PXYLP1: variants seen among roughly 807,000 people sequenced by gnomAD.
PXYLP1 encodes the protein 2-phosphoxylose phosphatase 1, also known as acid phosphatase-like 2.
A neutral mutation model predicts 37.9 loss-of-function variants in PXYLP1; 17 were observed. The observed-to-expected ratio is 0.45, with a 90% CI of 0.31 to 0.67. The LOEUF is 0.67. PXYLP1 is among the 30% of genes least tolerant of loss of function. The probability of loss-of-function intolerance (pLI) is 0.07; values close to 1 mark genes in which losing one functional copy is unlikely to be tolerated. For synonymous variants in PXYLP1, 221 were observed against 232.2 expected (o/e 0.95, Z 0.44); for missense variants, 511 against 612.0 (o/e 0.84, Z 1.74).
At chr3:141,258,780 C>G (rs370909728) in intron 1 of PXYLP1, 5 of 153,694 alleles carry the variant, frequency 3.3e-5, no homozygotes, top group African/African-American at 1.2e-4. Context: ...TGAGAACTAA[C>G]TGCTGATTGT....
At chr3:141,238,532 G>A (rs1940713039) in intron 1 of PXYLP1, among the ~76,000 whole-genome samples, 1 of 152,190 alleles carries the variant, frequency 6.6e-6, no homozygotes, top group Admixed American at 6.5e-5. Context: ...AGTCAGACTG[G>A]AAAACCAGTC....
intron 2 of PXYLP1, 49 bp from the exon 3 acceptor site, chr3:141,278,293 C>T (rs779426901): frequency 1.2e-6 from 2 of 1,607,190 alleles, no homozygotes; most frequent in East Asian, 4.5e-5. Context: ...TTGCAGCTGG[C>T]CTGGCGCCCC....
intron 1 of PXYLP1, among the ~76,000 whole-genome samples, chr3:141,244,108 A>C (rs1161664102): frequency 1.3e-5 from 2 of 152,242 alleles, no homozygotes; most frequent in African/African-American, 4.8e-5. Context: ...TTGTCAGTAC[A>C]GCTATAACCA....
chr3:141,292,409 C>G lies in PXYLP1; in HGVS notation c.647C>G (p.Ala216Gly), dbSNP rs746803550. 7 of 1,614,176 alleles carry G rather than the reference C, an allele frequency of 4.3e-6. No homozygotes were observed. Among genetic ancestry groups the G allele is most frequent in the Admixed American group, 3.3e-5 (2 of 60,022 alleles). Reference sequence around the variant, plus strand: ...AGCCGGACCCTACAAAGTGGGCTGGCCTTGCTTTATGGCTTTCTCCCAGAT... The same window carrying G: ...AGCCGGACCCTACAAAGTGGGCTGGGCTTGCTTTATGGCTTTCTCCCAGAT... ...GKSRTLQSGL[A>G]LLYGFLPDFD... The change falls in exon 6 of 6, where the codon GCC becomes GGC. Residue 216 changes from alanine to glycine, a missense_variant. Physicochemically the swap from Ala to Gly is moderately conservative, Grantham distance 60. Coordinates refer to ENST00000286353, the MANE Select transcript of PXYLP1 (RefSeq NM_001037172.3). This position sits in a 1 kb window ranked among gnomAD's most constrained non-coding sequence, Gnocchi z 4.3.
In PXYLP1 at chr3:141,279,300, A is replaced by C. The variant is rs907521835; in HGVS notation, c.239-78A>C. The C allele has an allele frequency of 7.7e-6, 12 of 1,560,890 alleles. No individual in the cohort carries two copies. In the African/African-American group the frequency reaches 1.5e-4, roughly 19 times the overall value. The stretch of plus-strand genomic sequence containing the variant: ...TCAGATTCCCAGCCCAAATGTGGCC[A>C]GGTCATCCCCTTGGCCCCCTTCTAA... On this transcript the variant is annotated intron_variant, in intron 3 of 5. Transcript: ENST00000286353.
intron 2 of PXYLP1, among the ~76,000 whole-genome samples, chr3:141,270,937 C>T (rs1296426967): frequency 1.3e-5 from 2 of 152,118 alleles, no homozygotes; most frequent in Non-Finnish European, 2.9e-5. Flanking sequence ...GTCACCCAGG[C>T]TGGAATGCAG....
intron 1 of PXYLP1, among the ~76,000 whole-genome samples, chr3:141,259,227 T>C (rs1411787886): frequency 7.2e-5 from 11 of 152,220 alleles, no homozygotes; most frequent in Admixed American, 7.2e-4. Context: ...TATATTTGAA[T>C]GGGGAAAAGA....
intron 2 of PXYLP1, among the ~76,000 whole-genome samples, chr3:141,271,348 C>T (rs1941658656): frequency 6.6e-6 from 1 of 152,160 alleles, no homozygotes; most frequent in Admixed American, 6.5e-5. Context: ...CAACTGAGGA[C>T]AGATGTCAGT....
chr3:141,292,276 C>A lies in PXYLP1; in HGVS notation c.514C>A (p.Gln172Lys). ...GTGTGCTTGTGTTTCAGGAGTTGTG[C>A]AGCATTTGCAGAACGGTCAGCTGCT... ...MGELTQTGVV[Q>K]HLQNGQLLRD... is the part of the protein sequence containing the mutation. The change falls in exon 6 of 6, where the codon CAG becomes AAG. Residue 172 changes from glutamine (Q) to lysine (K), a missense_variant. Physicochemically the swap from Gln to Lys is moderately conservative, Grantham distance 53. Transcript: ENST00000286353. This position sits in a 1 kb window ranked among gnomAD's most constrained non-coding sequence, Gnocchi z 4.3. 2 of 1,587,508 alleles carry A rather than the reference C, an allele frequency of 1.3e-6. No individual in the cohort carries two copies. Among genetic ancestry groups the A allele is most frequent in the Non-Finnish European group, 8.6e-7 (1 of 1,166,986 alleles).
chr3:141,255,412 C>T (rs1009335612), intron 1 of PXYLP1, among the ~76,000 whole-genome samples: 1 of 152,238 alleles, frequency 6.6e-6, no homozygotes, highest in African/African-American at 2.4e-5. Context: ...TGGATTTGGT[C>T]ATGATGCCAT....
rs762035023 is a variant in PXYLP1, at chr3:141,292,347, G to T, written c.585G>T (p.Trp195Cys). The change falls in exon 6 of 6, where the codon TGG (tryptophan) becomes TGT (cysteine). Residue 195 changes from tryptophan (W) to cysteine (C), a missense_variant. Physicochemically the swap from Trp to Cys is radical, Grantham distance 215. Transcript: ENST00000286353. This position sits in a 1 kb window ranked among gnomAD's most constrained non-coding sequence, Gnocchi z 4.3. The stretch of plus-strand genomic sequence containing the variant: ...AACACAAACTCCTGCCCAATGATTG[G>T]TCTGCAGACCAGCTCTATTTAGAGA... The part of the protein sequence containing the change: ...LKKHKLLPND[W>C]SADQLYLETT... 3 of 1,613,982 alleles carry T rather than the reference G, an allele frequency of 1.9e-6. No individual in the cohort carries two copies. Among genetic ancestry groups the T allele is most frequent in the African/African-American group, 1.3e-5 (1 of 74,904 alleles).
At chr3:141,271,205 A>G (rs942982737) in intron 2 of PXYLP1, among the ~76,000 whole-genome samples, 1 of 152,206 alleles carries the variant, frequency 6.6e-6, no homozygotes, top group African/African-American at 2.4e-5. Flanking sequence ...AGAGGCAGGG[A>G]TACTTGCCCC....
At chr3:141,260,473 G>A (rs935684588) in intron 2 of PXYLP1, among the ~76,000 whole-genome samples, 6 of 152,222 alleles carry the variant, frequency 3.9e-5, no homozygotes, top group African/African-American at 1.4e-4. Context: ...TGAACTGCCT[G>A]GTTATTCCCA....
In PXYLP1 at chr3:141,292,227, T is replaced by C. The variant is rs1447157186; in HGVS notation, c.506-41T>C. ...CACCTCCCCTTGCTGTTTCTTTTGC[T>C]CAGCTGGAAGTAAGGTAAGCTTTGT... On this transcript the variant is annotated intron_variant, in intron 5 of 5. Transcript: ENST00000286353. This position sits in a 1 kb window ranked among gnomAD's most constrained non-coding sequence, Gnocchi z 4.3. 3.9e-6 allele frequency: 6 copies of C among 1,536,560 alleles called. No individual in the cohort carries two copies. In the East Asian group the frequency reaches 1.4e-4, roughly 35 times the overall value.
intron 5 of PXYLP1, among the ~76,000 whole-genome samples, chr3:141,289,203 T>C (rs1401064484): frequency 6.6e-6 from 1 of 152,190 alleles, no homozygotes; most frequent in Non-Finnish European, 1.5e-5. Flanking sequence ...TAGATGTTCC[T>C]TAGTTTATAT....
chr3:141,274,334 G>A, intron 2 of PXYLP1: 2 of 1,402,240 alleles, frequency 1.4e-6, no homozygotes, highest in Non-Finnish European at 1.9e-6. Context: ...ACCCTGGTGA[G>A]GCCAACCTGA....
At chr3:141,249,215 G>A (rs980877476) in intron 1 of PXYLP1, among the ~76,000 whole-genome samples, 3 of 152,172 alleles carry the variant, frequency 2.0e-5, no homozygotes, top group African/African-American at 7.2e-5. Context: ...TCATGAATGA[G>A]TCATAGAATC....
chr3:141,260,156 A>G lies in PXYLP1; in HGVS notation c.-20A>G. 6.2e-7 allele frequency: 1 copy of G among 1,613,884 alleles called. No individual in the cohort carries two copies. Among genetic ancestry groups the G allele is most frequent in the Non-Finnish European group, 8.5e-7 (1 of 1,179,982 alleles). On this transcript the variant is annotated 5_prime_UTR_variant, in exon 2 of 6. Coordinates refer to ENST00000286353, the MANE Select transcript of PXYLP1 (RefSeq NM_001037172.3). ...CCCGATTTGAGGTGAAACCATGAAG[A>G]GAAAATAGAATACTTAATAATGCTT...
intron 1 of PXYLP1, among the ~76,000 whole-genome samples, chr3:141,247,794 TATG>T (rs1026298696): frequency 2.0e-5 from 3 of 152,206 alleles, no homozygotes; most frequent in African/African-American, 7.2e-5. Flanking sequence ...TTGATTTTAT[TATG>T]ATAATACAGA....
Sources: allele counts gnomAD v4.1 joint callset (sites outside exome capture counted in the v4.1 genomes callset), GRCh38; gene constraint gnomAD v4.1.1; non-coding constraint Gnocchi (gnomAD v3.1); transcripts MANE v1.5; gene names NCBI Gene and HGNC (gene_info 2026-07-23, HGNC 2026-07-21).